Variants in TMEM232 observed in about 807,000 individuals in gnomAD.
TMEM232 encodes transmembrane protein 232.
TMEM232 carries 80 observed loss-of-function variants against 78.8 expected under a neutral mutation model. The ratio of observed to expected loss-of-function variants is 1.01; its 90% CI spans 0.85 to 1.22. TMEM232 has a LOEUF of 1.22. Among genes scored for constraint, TMEM232 ranks in the 50% most tolerant of loss-of-function variants. The probability of loss-of-function intolerance (pLI) is 0.00; values close to 1 mark genes in which losing one functional copy is unlikely to be tolerated. For missense variants in TMEM232, 881 were observed against 742.2 expected (o/e 1.19, Z -2.17); for synonymous variants, 297 against 254.3 (o/e 1.17, Z -1.60).
chr5:110,514,621 T>C (rs986340935), intron 12 of TMEM232, among the ~76,000 whole-genome samples: 17 of 152,216 alleles, frequency 1.1e-4, no homozygotes, highest in African/African-American at 3.8e-4. Flanking sequence ...AAAAAACCTA[T>C]AAAATAAGCA....
chr5:110,508,130 T>C (rs1269723119), intron 12 of TMEM232, among the ~76,000 whole-genome samples: 1 of 152,086 alleles, frequency 6.6e-6, no homozygotes, highest in East Asian at 1.9e-4. Context: ...CCCAAGGGGA[T>C]CACTTGACAT....
intron 1 of TMEM232, among the ~76,000 whole-genome samples, chr5:110,716,240 T>C (rs1797000949): frequency 6.6e-6 from 1 of 152,160 alleles, no homozygotes; most frequent in Non-Finnish European, 1.5e-5. Flanking sequence ...CCCGATCTTT[T>C]TGGCACCAGA....
chr5:110,723,335 G>C (rs1340452731), intron 1 of TMEM232, among the ~76,000 whole-genome samples: 1 of 152,162 alleles, frequency 6.6e-6, no homozygotes, highest in Non-Finnish European at 1.5e-5. Context: ...TACCTCAAAT[G>C]TAAGAGACAG....
chr5:110,639,822 T>G (rs1301740192), intron 4 of TMEM232, among the ~76,000 whole-genome samples: 2 of 152,202 alleles, frequency 1.3e-5, no homozygotes, highest in Admixed American at 1.3e-4. Context: ...GCCTCACATG[T>G]GCAGTTCACC....
At chr5:110,431,004 C>T (rs10063627) in intron 12 of TMEM232, among the ~76,000 whole-genome samples, 13 of 151,342 alleles carry the variant, frequency 8.6e-5, no homozygotes, top group African/African-American at 2.7e-4. Context: ...TGAAAAATCC[C>T]GGCAGAGAAA....
intron 8 of TMEM232, among the ~76,000 whole-genome samples, chr5:110,614,145 C>T (rs1475184385): frequency 1.3e-5 from 2 of 152,022 alleles, no homozygotes; most frequent in Non-Finnish European, 2.9e-5. Context: ...GTATTTTTCA[C>T]TTTACTCTTC....
At chr5:110,510,552 C>T (rs1175584920) in intron 12 of TMEM232, among the ~76,000 whole-genome samples, 2 of 151,972 alleles carry the variant, frequency 1.3e-5, no homozygotes, top group African/African-American at 4.8e-5. Flanking sequence ...TCATGTTCTC[C>T]CTAACTAACA....
At chr5:110,704,890 G>C (rs576493831) in intron 1 of TMEM232, among the ~76,000 whole-genome samples, 2 of 152,194 alleles carry the variant, frequency 1.3e-5, no homozygotes, top group South Asian at 2.1e-4. Flanking sequence ...GCTTCAGCTA[G>C]TGTGCCTTGT....
chr5:110,589,614 G>C (rs10079998), intron 10 of TMEM232, among the ~76,000 whole-genome samples: 11,433 of 151,950 alleles, frequency 0.075, 544 homozygotes, highest in South Asian at 0.2. Flanking sequence ...TACTTCTTTG[G>C]ACAAATAAAC....
At chr5:110,545,444 T>C (rs544312395) in intron 11 of TMEM232, among the ~76,000 whole-genome samples, 46 of 152,128 alleles carry the variant, frequency 3.0e-4, no homozygotes, top group Non-Finnish European at 5.6e-4. Flanking sequence ...ATTACAATAT[T>C]ATAGTTTCTT....
At chr5:110,393,912 C>T (rs999559907) in intron 3 of TMEM232, among the ~76,000 whole-genome samples, 4 of 147,394 alleles carry the variant, frequency 2.7e-5, no homozygotes, top group African/African-American at 1.0e-4. Flanking sequence ...GGGCCACAAT[C>T]ACGCCACTGC....
intron 8 of TMEM232, among the ~76,000 whole-genome samples, chr5:110,614,897 A>G (rs1223660309): frequency 2.0e-5 from 3 of 151,980 alleles, no homozygotes; most frequent in Non-Finnish European, 2.9e-5. Context: ...TGTTTTTAGG[A>G]GCTCTGTATT....
intron 10 of TMEM232, among the ~76,000 whole-genome samples, chr5:110,600,431 A>G (rs140422292): frequency 0.025 from 3,739 of 152,298 alleles, 48 homozygotes; most frequent in African/African-American, 0.031. Flanking sequence ...CTATTACAGA[A>G]GAAAAGAGAG....
chr5:110,619,432 ATAG>A (rs1783357420), intron 7 of TMEM232, among the ~76,000 whole-genome samples: 1 of 152,190 alleles, frequency 6.6e-6, no homozygotes, highest in South Asian at 2.1e-4. Context: ...GTTAAGTCCC[ATAG>A]TTGTGTATTT....
intron 1 of TMEM232, among the ~76,000 whole-genome samples, chr5:110,701,583 T>G (rs534371668): frequency 6.6e-6 from 1 of 152,134 alleles, no homozygotes; most frequent in South Asian, 2.1e-4. Context: ...TGTAAGCAAT[T>G]AATATTTTAC....
At chr5:110,503,487 T>C (rs1156547450) in intron 12 of TMEM232, among the ~76,000 whole-genome samples, 2 of 152,168 alleles carry the variant, frequency 1.3e-5, no homozygotes, top group East Asian at 1.9e-4. Context: ...ATGTAGATAG[T>C]TGCATACCTG....
chr5:110,471,516 A>G (rs1423616147), intron 12 of TMEM232, among the ~76,000 whole-genome samples: 1 of 152,088 alleles, frequency 6.6e-6, no homozygotes, highest in East Asian at 1.9e-4. Flanking sequence ...AGAAAAAAGC[A>G]GAGTCACATA....
chr5:110,680,162 G>A (rs148340970), intron 1 of TMEM232, among the ~76,000 whole-genome samples: 4,356 of 152,088 alleles, frequency 0.029, 169 homozygotes, highest in African/African-American at 0.088. Flanking sequence ...ACTTTGGGAG[G>A]CTGAGGCAGG....
chr5:110,665,578 C>T (rs1790455174), intron 2 of TMEM232, among the ~76,000 whole-genome samples: 1 of 152,054 alleles, frequency 6.6e-6, no homozygotes, highest in South Asian at 2.1e-4. Context: ...AACCAGACTG[C>T]ATAAGGACTC....
Sources: allele counts gnomAD v4.1 joint callset (sites outside exome capture counted in the v4.1 genomes callset), GRCh38; gene constraint gnomAD v4.1.1; transcripts MANE v1.5; gene names NCBI Gene and HGNC (gene_info 2026-07-23, HGNC 2026-07-21).